SPMAP2: variants seen among roughly 807,000 people sequenced by gnomAD.
SPMAP2 encodes Theg homolog.
chr19:362,143 GA>G, the SPMAP2 span: 1 of 1,313,624 alleles, frequency 7.6e-7, no homozygotes, highest in Non-Finnish European at 1.0e-6. Flanking sequence ...AAAAAGCTCA[GA>G]ATAATCACAT....
At chr19:374,307 CA>C in the SPMAP2 span, 1 of 1,614,048 alleles carries the variant, frequency 6.2e-7, no homozygotes, top group Non-Finnish European at 8.5e-7. Flanking sequence ...ACCTGTCTTT[CA>C]GGACTTGCCA....
chr19:364,078 A>C, the SPMAP2 span, among the ~76,000 whole-genome samples: 270 of 151,810 alleles, frequency 1.8e-3, 1 homozygote, highest in South Asian at 6.1e-3. Flanking sequence ...TCATGCCTGT[A>C]ATCCCAGCAC....
chr19:367,253 C>T, the SPMAP2 span: 16 of 1,565,844 alleles, frequency 1.0e-5, no homozygotes, highest in East Asian at 9.2e-5. Flanking sequence ...AGAAGGGTTA[C>T]GTGAAACAGT....
the SPMAP2 span, among the ~76,000 whole-genome samples, chr19:364,142 G>A: frequency 6.6e-6 from 1 of 150,392 alleles, no homozygotes; most frequent in Non-Finnish European, 1.5e-5. Flanking sequence ...GACCATCCTG[G>A]CTCACACGGT....
At chr19:362,765 T>TA in the SPMAP2 span, among the ~76,000 whole-genome samples, 2,267 of 57,426 alleles carry the variant, frequency 0.039, 192 homozygotes, top group Non-Finnish European at 0.056. Flanking sequence ...GACTCCATCT[T>TA]AAAAAAAAAA....
chr19:363,147 C>T, the SPMAP2 span, among the ~76,000 whole-genome samples: 1 of 152,162 alleles, frequency 6.6e-6, no homozygotes, highest in Non-Finnish European at 1.5e-5. Flanking sequence ...TTGCATAACC[C>T]TGTGACTGTA....
the SPMAP2 span, chr19:374,556 A>AG: frequency 7.8e-7 from 1 of 1,278,604 alleles, no homozygotes; most frequent in East Asian, 2.4e-5. Context: ...CTTTCCCTCG[A>AG]GGGGTCTCTG....
chr19:375,378 G>C, the SPMAP2 span, among the ~76,000 whole-genome samples: 5 of 152,150 alleles, frequency 3.3e-5, no homozygotes, highest in South Asian at 2.1e-4. Flanking sequence ...CCTGAACTCA[G>C]TCTGCCTGAC....
chr19:362,015 A>G, the SPMAP2 span: 2 of 442,628 alleles, frequency 4.5e-6, no homozygotes, highest in Non-Finnish European at 7.9e-6. Context: ...GAGATGGTCA[A>G]TGAAAGTGAC....
At chr19:369,389 C>T in the SPMAP2 span, among the ~76,000 whole-genome samples, 1 of 151,538 alleles carries the variant, frequency 6.6e-6, no homozygotes, top group Non-Finnish European at 1.5e-5. Context: ...CAGGCCTGAG[C>T]TTCCACTCCC....
At chr19:372,611 C>T in the SPMAP2 span, 1 of 1,613,438 alleles carries the variant, frequency 6.2e-7, no homozygotes, top group South Asian at 1.1e-5. Context: ...TGAGTAGCCA[C>T]CCAGCCCTCC....
chr19:367,682 G>C, the SPMAP2 span, among the ~76,000 whole-genome samples: 5 of 152,176 alleles, frequency 3.3e-5, no homozygotes, highest in African/African-American at 1.2e-4. Context: ...CTGAACACGC[G>C]CAGGCTTGGT....
At chr19:364,358 AAAGAAAAAAAAAG>A in the SPMAP2 span, among the ~76,000 whole-genome samples, 6 of 146,774 alleles carry the variant, frequency 4.1e-5, 1 homozygote, top group Admixed American at 4.1e-4. Flanking sequence ...AAAAAAAAAG[AAAGAAAAAAAAAG>A]AAAAAATATT....
At chr19:365,276 C>T in the SPMAP2 span, among the ~76,000 whole-genome samples, 1,801 of 152,346 alleles carry the variant, frequency 0.012, 52 homozygotes, top group East Asian at 0.096. Context: ...GAGCTCTGCC[C>T]GGCAGATGCC....
At chr19:363,754 C>T in the SPMAP2 span, among the ~76,000 whole-genome samples, 20,493 of 149,794 alleles carry the variant, frequency 0.14, 2,015 homozygotes, top group African/African-American at 0.27. Context: ...AGGCTGGTCT[C>T]GAACTCCTGA....
chr19:366,626 A>AGCT, the SPMAP2 span, among the ~76,000 whole-genome samples: 1 of 152,224 alleles, frequency 6.6e-6, no homozygotes, highest in East Asian at 1.9e-4. Flanking sequence ...TTACATAAAG[A>AGCT]GCTGCTCCCA....
chr19:368,232 T>G, the SPMAP2 span, among the ~76,000 whole-genome samples: 37 of 152,178 alleles, frequency 2.4e-4, no homozygotes, highest in African/African-American at 8.9e-4. This position sits in a 1 kb window ranked among gnomAD's most constrained non-coding sequence, Gnocchi z 4.1. Context: ...GTGTGTTCTT[T>G]GATGCTTTGC....
chr19:364,502 G>A, the SPMAP2 span, among the ~76,000 whole-genome samples: 67,066 of 150,886 alleles, frequency 0.44, 15,576 homozygotes, highest in African/African-American at 0.54. Context: ...GCAACACAGC[G>A]AGACCCCATC....
the SPMAP2 span, chr19:373,350 G>C: frequency 1.1e-6 from 1 of 911,158 alleles, no homozygotes; most frequent in Non-Finnish European, 1.7e-6. Flanking sequence ...CCAGTGGGGA[G>C]GACAGAGGCT....
Sources: allele counts gnomAD v4.1 joint callset (sites outside exome capture counted in the v4.1 genomes callset), GRCh38; gene constraint gnomAD v4.1.1; non-coding constraint Gnocchi (gnomAD v3.1); transcripts MANE v1.5; gene names NCBI Gene and HGNC (gene_info 2026-07-23, HGNC 2026-07-21).